The following CPED1 variants were observed in gnomAD, a reference collection of about 807,000 sequenced individuals.
The protein encoded by CPED1 is cadherin-like and PC-esterase domain-containing protein 1.
In CPED1, 114 loss-of-function variants were observed where a neutral mutation model predicts 128.2. The observed-to-expected ratio is 0.89, with a 90% CI of 0.76 to 1.04. The LOEUF (loss-of-function observed/expected upper bound fraction) is 1.04, where lower values mean the gene tolerates loss of function less well. CPED1 is among the 50% of genes least tolerant of loss of function. The probability of loss-of-function intolerance (pLI) is 0.00; values close to 1 mark genes in which losing one functional copy is unlikely to be tolerated. For missense variants in CPED1, 1,211 were observed against 1,207.1 expected (o/e 1.00, Z -0.05); for synonymous variants, 462 against 426.7 (o/e 1.08, Z -1.02).
At chr7:121,216,412 G>A (rs1797761634) in intron 16 of CPED1, among the ~76,000 whole-genome samples, 1 of 151,976 alleles carries the variant, frequency 6.6e-6, no homozygotes, top group South Asian at 2.1e-4. Context: ...CTTGGTTGCA[G>A]GGCCACACAT....
chr7:121,089,988 C>T (rs1439133517), intron 5 of CPED1, among the ~76,000 whole-genome samples: 1 of 152,076 alleles, frequency 6.6e-6, no homozygotes, highest in Middle Eastern at 3.2e-3. Flanking sequence ...AATCATAGGG[C>T]AAGAAAATTG....
Position 121,124,313 on chromosome 7 carries a change from C to A in CPED1, c.919-18C>A. The A allele has an allele frequency of 1.5e-5, 24 of 1,592,518 alleles. No homozygotes were observed. Among genetic ancestry groups the A allele is most frequent in the Non-Finnish European group, 2.0e-5 (23 of 1,170,296 alleles). ...GAGGCTATTGTTTTAACACGTGAAT[C>A]CTTTACTTTGTTCACAGCTGCAAAC... is the stretch of plus-strand genomic sequence containing the variant. On this transcript the variant is annotated intron_variant, in intron 7 of 22. Coordinates refer to ENST00000310396, the MANE Select transcript of CPED1 (RefSeq NM_024913.5).
At chr7:121,199,932 G>C (rs1422867765) in intron 16 of CPED1, among the ~76,000 whole-genome samples, 1 of 151,912 alleles carries the variant, frequency 6.6e-6, no homozygotes, top group Non-Finnish European at 1.5e-5. Context: ...AAAATTACTA[G>C]TGAGAGAGTT....
intron 16 of CPED1, among the ~76,000 whole-genome samples, chr7:121,227,040 C>G (rs1017560210): frequency 6.6e-6 from 1 of 152,014 alleles, no homozygotes; most frequent in Non-Finnish European, 1.5e-5. Context: ...AATTCTAGAG[C>G]TAAATAGATC....
intron 18 of CPED1, among the ~76,000 whole-genome samples, chr7:121,253,019 T>G (rs1400218933): frequency 1.3e-5 from 2 of 152,070 alleles, no homozygotes; most frequent in Non-Finnish European, 2.9e-5. Context: ...ACACGTATGT[T>G]TATTGCGGCA....
At position 121,093,397 on chromosome 7, in the gene CPED1, TACAC is replaced by T. The variant is rs10526224; in HGVS notation, c.617-4274_617-4271del. ...AAGCTAATATTGCTCCCTTTTTCTG[TACAC>T]ACACACACACACACACACACACACA... is the stretch of plus-strand genomic sequence containing the variant. On this transcript the variant is annotated intron_variant, in intron 5 of 22. Coordinates refer to ENST00000310396, the MANE Select transcript of CPED1 (RefSeq NM_024913.5). Among the ~76,000 whole-genome samples the T allele has an allele frequency of 1.2e-3, 174 of 145,560 alleles. 1 individual carries two copies. The highest frequency in any genetic ancestry group is 2.1e-3 in the Admixed American group (31 of 14,508).
intron 16 of CPED1, among the ~76,000 whole-genome samples, chr7:121,191,890 C>A (rs1349812819): frequency 6.6e-6 from 1 of 152,084 alleles, no homozygotes; most frequent in Non-Finnish European, 1.5e-5. Context: ...ATAAATATTT[C>A]ATTTTAATCA....
chr7:121,002,233 C>T (rs1164482269), intron 2 of CPED1, among the ~76,000 whole-genome samples: 1 of 152,070 alleles, frequency 6.6e-6, no homozygotes, highest in Admixed American at 6.6e-5. Context: ...TACTTCTTCC[C>T]TAGTGGAAAA....
In CPED1 at chr7:121,133,595, T is replaced by TA. The variant is rs1760950736; in HGVS notation, c.1578-227dup. Among the ~76,000 whole-genome samples, 4 of 152,198 alleles carry TA rather than the reference T, an allele frequency of 2.6e-5. No individual in the cohort carries two copies. In the South Asian group the frequency reaches 8.3e-4, roughly 32 times the overall value. On this transcript the variant is annotated intron_variant, in intron 12 of 22. Coordinates refer to ENST00000310396, the MANE Select transcript of CPED1 (RefSeq NM_024913.5). ...CAGATTTGGACTGAGAGGGACTTTT[T>TA]ACCCTGGTTTTCTTCAAATATGCTT...
intron 16 of CPED1, among the ~76,000 whole-genome samples, chr7:121,180,417 TA>T (rs998766480): frequency 2.0e-5 from 3 of 152,194 alleles, no homozygotes; most frequent in East Asian, 1.9e-4. Flanking sequence ...TGATTTTCTT[TA>T]AAAAAATTCT....
chr7:121,143,418 A>G (rs1795948798), intron 16 of CPED1, among the ~76,000 whole-genome samples: 1 of 151,942 alleles, frequency 6.6e-6, no homozygotes, highest in Non-Finnish European at 1.5e-5. Context: ...TTAATAGAAT[A>G]GCTATTGATA....
intron 5 of CPED1, among the ~76,000 whole-genome samples, chr7:121,096,999 C>CAA (rs1794716408): frequency 6.6e-6 from 1 of 152,014 alleles, no homozygotes; most frequent in Admixed American, 6.6e-5. Context: ...CAAGTTAATA[C>CAA]GTAAGCATTG....
At chr7:121,169,446 T>G (rs1796603663) in intron 16 of CPED1, among the ~76,000 whole-genome samples, 1 of 152,206 alleles carries the variant, frequency 6.6e-6, no homozygotes, top group South Asian at 2.1e-4. Flanking sequence ...TAGATTTAGT[T>G]TTATTGGGAA....
intron 3 of CPED1, among the ~76,000 whole-genome samples, chr7:121,042,428 C>T (rs1793083115): frequency 6.6e-6 from 1 of 152,150 alleles, no homozygotes; most frequent in Non-Finnish European, 1.5e-5. Context: ...ATTTCTGTGT[C>T]TGTTTCCTCA....
chr7:120,989,386 C>A lies in CPED1; in HGVS notation c.-231-5C>A. 1.9e-6 allele frequency: 1 copy of A among 520,648 alleles called. No individual in the cohort carries two copies. 32.3% of individuals were successfully genotyped at this position (520,648 alleles called of 1,614,324 possible). A position where few individuals can be genotyped will look rare whatever the true frequency, so the allele number is the denominator to read the frequency against. On this transcript the variant is annotated splice_region_variant and splice_polypyrimidine_tract_variant and intron_variant, in intron 1 of 22. Coordinates refer to ENST00000310396, the MANE Select transcript of CPED1 (RefSeq NM_024913.5). Reference sequence around the variant, plus strand: ...TTATTATTTGATGTCTTTTTTTAAACTCAGGTCATCCACTTTTGACTGTCA... The same window carrying A: ...TTATTATTTGATGTCTTTTTTTAAAATCAGGTCATCCACTTTTGACTGTCA...
At chr7:121,286,436 C>G (rs1584655729) in intron 22 of CPED1, among the ~76,000 whole-genome samples, 2 of 152,176 alleles carry the variant, frequency 1.3e-5, no homozygotes, top group South Asian at 4.1e-4. Context: ...GGCAGGAATG[C>G]CCTGCCTGTC....
At chr7:121,123,628 A>G (rs1354560043) in intron 7 of CPED1, among the ~76,000 whole-genome samples, 2 of 152,210 alleles carry the variant, frequency 1.3e-5, no homozygotes, top group Admixed American at 6.5e-5. Context: ...AAATAAAAAC[A>G]GCTATTTGTG....
intron 16 of CPED1, among the ~76,000 whole-genome samples, chr7:121,206,263 C>T (rs1289884350): frequency 1.3e-5 from 2 of 151,894 alleles, no homozygotes; most frequent in Admixed American, 1.3e-4. Flanking sequence ...AAACTTTGAC[C>T]TCTATTTCTC....
intron 3 of CPED1, among the ~76,000 whole-genome samples, chr7:121,042,722 G>T (rs1452676450): frequency 6.6e-6 from 1 of 152,170 alleles, no homozygotes; most frequent in Non-Finnish European, 1.5e-5. Flanking sequence ...ATAGATTGTT[G>T]TATAGGATAA....
Sources: allele counts gnomAD v4.1 joint callset (sites outside exome capture counted in the v4.1 genomes callset), GRCh38; gene constraint gnomAD v4.1.1; transcripts MANE v1.5; gene names NCBI Gene and HGNC (gene_info 2026-07-23, HGNC 2026-07-21).